The following GPC5 variants were observed in gnomAD, a reference collection of about 807,000 sequenced individuals.
The protein encoded by GPC5 is glypican 5.
A neutral mutation model predicts 53.9 loss-of-function variants in GPC5; 47 were observed. The ratio of observed to expected loss-of-function variants is 0.87; its 90% CI spans 0.69 to 1.11. GPC5 has a LOEUF of 1.11. Among genes scored for constraint, GPC5 ranks in the 50% most tolerant of loss-of-function variants. The pLI is 0.00. For synonymous variants in GPC5, 286 were observed against 263.3 expected (o/e 1.09, Z -0.84); for missense variants, 748 against 713.1 (o/e 1.05, Z -0.56).
intron 2 of GPC5, among the ~76,000 whole-genome samples, chr13:91,527,306 G>A (rs1886131387): frequency 2.0e-5 from 3 of 152,190 alleles, no homozygotes; most frequent in Admixed American, 2.0e-4. Flanking sequence ...AGAGAAATTG[G>A]CCAAAGCAAA....
At chr13:92,354,486 A>ACATTC (rs1267849075) in intron 7 of GPC5, among the ~76,000 whole-genome samples, 1 of 152,238 alleles carries the variant, frequency 6.6e-6, no homozygotes, top group Admixed American at 6.5e-5. Context: ...TTTTAGACTA[A>ACATTC]CATTCGTAAT....
intron 7 of GPC5, among the ~76,000 whole-genome samples, chr13:92,214,773 C>T (rs1281212962): frequency 6.6e-6 from 1 of 152,122 alleles, no homozygotes; most frequent in South Asian, 2.1e-4. Context: ...AATCAGCTGC[C>T]CTTGAGATTA....
chr13:91,728,313 T>A (rs1374846105), intron 3 of GPC5, among the ~76,000 whole-genome samples: 1 of 152,186 alleles, frequency 6.6e-6, no homozygotes, highest in Non-Finnish European at 1.5e-5. Flanking sequence ...GCATACCACA[T>A]AAATGTCCAT....
chr13:91,816,208 C>T (rs2038397316), intron 5 of GPC5, among the ~76,000 whole-genome samples: 1 of 152,182 alleles, frequency 6.6e-6, no homozygotes, highest in African/African-American at 2.4e-5. Context: ...CCTTCTGCTA[C>T]TGTAAGCTCT....
chr13:92,837,430 T>C (rs938318508), intron 7 of GPC5, among the ~76,000 whole-genome samples: 3 of 152,074 alleles, frequency 2.0e-5, no homozygotes, highest in Admixed American at 6.5e-5. Context: ...CTTAAAAAGA[T>C]GAGTTGATTT....
chr13:92,179,701 T>C (rs529218746), intron 7 of GPC5, among the ~76,000 whole-genome samples: 4 of 152,238 alleles, frequency 2.6e-5, no homozygotes, highest in African/African-American at 9.6e-5. Flanking sequence ...AAGAAAAATA[T>C]TCAGGGCCTA....
intron 2 of GPC5, among the ~76,000 whole-genome samples, chr13:91,463,460 T>C (rs990197484): frequency 3.9e-5 from 6 of 152,112 alleles, no homozygotes; most frequent in African/African-American, 1.4e-4. Flanking sequence ...AAGTCAAGCT[T>C]TTTCTAAAAT....
At chr13:92,130,419 T>C (rs2041733722) in intron 6 of GPC5, among the ~76,000 whole-genome samples, 2 of 151,596 alleles carry the variant, frequency 1.3e-5, no homozygotes, top group South Asian at 2.1e-4. Context: ...ATAGAAACTA[T>C]ATGATTAACA....
At chr13:92,516,750 T>A (rs1880799379) in intron 7 of GPC5, among the ~76,000 whole-genome samples, 1 of 152,172 alleles carries the variant, frequency 6.6e-6, no homozygotes, top group South Asian at 2.1e-4. Context: ...GCTCCCAGCA[T>A]GAGCGATGCA....
intron 7 of GPC5, among the ~76,000 whole-genome samples, chr13:92,195,620 C>T (rs555816975): frequency 2.6e-5 from 4 of 152,092 alleles, no homozygotes; most frequent in Non-Finnish European, 4.4e-5. Context: ...AAGTTAAGGA[C>T]ACAAGAATAA....
rs76714980 is a variant in GPC5, at chr13:92,726,795, A to T, written c.1562-139487A>T. On this transcript the variant is annotated intron_variant, in intron 7 of 7. Coordinates refer to ENST00000377067, the MANE Select transcript of GPC5 (RefSeq NM_004466.6). ...CCATAATATTTATGAAACCCAGTCA[A>T]TATGGCCAAGGAAAATTGAGGTTAC... 1.2e-3 allele frequency among the ~76,000 whole-genome samples: 183 copies of T among 151,660 alleles called. 2 individuals carry two copies. The highest frequency in any genetic ancestry group is 1.7e-3 in the Non-Finnish European group (118 of 67,674).
chr13:92,388,092 C>T (rs1874821199), intron 7 of GPC5, among the ~76,000 whole-genome samples: 1 of 151,876 alleles, frequency 6.6e-6, no homozygotes, highest in African/African-American at 2.4e-5. Context: ...ATATCCTTTT[C>T]TTAAGTTAGA....
At chr13:92,284,322 C>T (rs1336497017) in intron 7 of GPC5, among the ~76,000 whole-genome samples, 1 of 152,122 alleles carries the variant, frequency 6.6e-6, no homozygotes, top group Non-Finnish European at 1.5e-5. Flanking sequence ...CAAGGAGGAG[C>T]TGGTTCCATT....
At chr13:92,104,760 G>C (rs2041494792) in intron 6 of GPC5, among the ~76,000 whole-genome samples, 1 of 152,084 alleles carries the variant, frequency 6.6e-6, no homozygotes, top group Non-Finnish European at 1.5e-5. Context: ...CTTACTGAGA[G>C]TTTTAATCCA....
intron 7 of GPC5, among the ~76,000 whole-genome samples, chr13:92,370,359 A>G (rs2043640401): frequency 6.6e-6 from 1 of 152,178 alleles, no homozygotes; most frequent in South Asian, 2.1e-4. Context: ...TGAACTGTAA[A>G]ATCCACAGAG....
intron 7 of GPC5, among the ~76,000 whole-genome samples, chr13:92,806,594 T>C (rs1877109320): frequency 6.6e-6 from 1 of 152,040 alleles, no homozygotes; most frequent in Non-Finnish European, 1.5e-5. Context: ...ATCCTATCAA[T>C]GAAGCACCTA....
chr13:91,574,676 G>A (rs984520195), intron 2 of GPC5, among the ~76,000 whole-genome samples: 1 of 152,000 alleles, frequency 6.6e-6, no homozygotes, highest in African/African-American at 2.4e-5. Context: ...GTACTGAGGT[G>A]GTCATCACTT....
chr13:92,294,445 G>T (rs978899949), intron 7 of GPC5, among the ~76,000 whole-genome samples: 1 of 152,100 alleles, frequency 6.6e-6, no homozygotes, highest in Non-Finnish European at 1.5e-5. Flanking sequence ...TATCTTTCCA[G>T]GAATTTATCC....
chr13:91,799,874 G>A (rs1464689679), intron 5 of GPC5, among the ~76,000 whole-genome samples: 2 of 152,036 alleles, frequency 1.3e-5, no homozygotes, highest in East Asian at 1.9e-4. Flanking sequence ...CTACCATAAA[G>A]GTTGACAACT....
Sources: allele counts gnomAD v4.1 joint callset (sites outside exome capture counted in the v4.1 genomes callset), GRCh38; gene constraint gnomAD v4.1.1; transcripts MANE v1.5; gene names NCBI Gene and HGNC (gene_info 2026-07-23, HGNC 2026-07-21).